The following UGT1A10 variants were observed in gnomAD, a reference collection of about 807,000 sequenced individuals.
UGT1A10 encodes the protein UDP-glucuronosyltransferase 1A10.
UGT1A10 carries 49 observed loss-of-function variants against 45.8 expected under a neutral mutation model. The observed-to-expected ratio is 1.07, with a 90% CI of 0.85 to 1.36. The LOEUF is 1.36. Ranked by LOEUF, UGT1A10 falls within the 40% of genes most tolerant of loss-of-function variation. The pLI is 0.00. For synonymous variants in UGT1A10, 284 were observed against 249.7 expected, an observed-to-expected ratio of 1.14 and a Z score of -1.29; for missense variants, 745 against 668.6, an observed-to-expected ratio of 1.11 and a Z score of -1.26.
intron 1 of UGT1A10, chr2:233,755,364 C>G (rs1279732640): frequency 1.4e-5 from 5 of 364,304 alleles, no homozygotes; most frequent in Non-Finnish European, 2.6e-5. Flanking sequence ...ACCTGGGCCG[C>G]CTGGAGGGCC....
chr2:233,679,206 G>A (rs35984508), intron 1 of UGT1A10, among the ~76,000 whole-genome samples: 57,710 of 151,654 alleles, frequency 0.38, 11,278 homozygotes, highest in African/African-American at 0.45. Context: ...GAACTTGTGG[G>A]TTCTGGGTGG....
chr2:233,732,710 C>T (rs1261368099), intron 1 of UGT1A10, among the ~76,000 whole-genome samples: 1 of 149,516 alleles, frequency 6.7e-6, no homozygotes, highest in Non-Finnish European at 1.5e-5. Flanking sequence ...TTACTGTAGC[C>T]TTGTAGTACA....
intron 1 of UGT1A10, among the ~76,000 whole-genome samples, chr2:233,667,370 C>A (rs927044893): frequency 6.6e-6 from 1 of 152,150 alleles, no homozygotes; most frequent in Non-Finnish European, 1.5e-5. Flanking sequence ...ACACCTTATA[C>A]AAAAATTAAT....
At chr2:233,732,500 A>G (rs1425812715) in intron 1 of UGT1A10, among the ~76,000 whole-genome samples, 1 of 152,238 alleles carries the variant, frequency 6.6e-6, no homozygotes, top group Non-Finnish European at 1.5e-5. Context: ...GGCGTAAGGA[A>G]GGGATCCTGT....
At chr2:233,729,361 A>G (rs781679584) in intron 1 of UGT1A10, 50 of 1,613,972 alleles carry the variant, frequency 3.1e-5, no homozygotes, top group Non-Finnish European at 3.8e-5. Flanking sequence ...CACCCTGACA[A>G]CCTATGCCAT....
At chr2:233,764,961 TG>T (rs1172324167) in intron 1 of UGT1A10, among the ~76,000 whole-genome samples, 1 of 152,020 alleles carries the variant, frequency 6.6e-6, no homozygotes, top group Non-Finnish European at 1.5e-5. Context: ...GGGCTCACCT[TG>T]GGAGAAGGAT....
intron 1 of UGT1A10, among the ~76,000 whole-genome samples, chr2:233,737,953 A>C (rs1429614905): frequency 6.6e-6 from 1 of 152,112 alleles, no homozygotes; most frequent in East Asian, 1.9e-4. Context: ...GTTTCCCAAC[A>C]TGAGGTCACA....
At chr2:233,646,927 G>A (rs2125471019) in intron 1 of UGT1A10, among the ~76,000 whole-genome samples, 1 of 152,302 alleles carries the variant, frequency 6.6e-6, no homozygotes, top group African/African-American at 2.4e-5. Context: ...TTTTCATGCT[G>A]CTGATAAAGA....
chr2:233,697,312 G>A (rs150627234), intron 1 of UGT1A10, among the ~76,000 whole-genome samples: 114 of 152,132 alleles, frequency 7.5e-4, no homozygotes, highest in African/African-American at 2.7e-3. Flanking sequence ...TTGGTAGATT[G>A]TTTGTGTTTG....
At chr2:233,741,911 A>C (rs909136076) in intron 1 of UGT1A10, 2 of 151,838 alleles carry the variant, frequency 1.3e-5, no homozygotes, top group African/African-American at 4.9e-5. Flanking sequence ...GTGATGGAAA[A>C]GGTCTTCATT....
intron 1 of UGT1A10, among the ~76,000 whole-genome samples, chr2:233,652,316 G>C (rs769097881): frequency 6.6e-6 from 1 of 152,170 alleles, no homozygotes; most frequent in African/African-American, 2.4e-5. Context: ...AGACTACAGT[G>C]TAATGAGCAC....
At chr2:233,719,164 C>T in intron 1 of UGT1A10, 1 of 1,614,210 alleles carries the variant, frequency 6.2e-7, no homozygotes, top group Admixed American at 1.7e-5. Flanking sequence ...AGAAGTATGG[C>T]AATTATGAAC....
intron 1 of UGT1A10, among the ~76,000 whole-genome samples, chr2:233,660,568 A>G (rs2073942290): frequency 6.6e-6 from 1 of 152,174 alleles, no homozygotes; most frequent in South Asian, 2.1e-4. Flanking sequence ...AAAGACTGGG[A>G]GCTGGCGTTT....
intron 1 of UGT1A10, among the ~76,000 whole-genome samples, chr2:233,711,091 T>G (rs938656759): frequency 1.3e-5 from 2 of 152,216 alleles, no homozygotes; most frequent in East Asian, 3.8e-4. Flanking sequence ...CAAGTCTATC[T>G]GTGCAGCCCA....
intron 1 of UGT1A10, chr2:233,743,807 T>G (rs760730105): frequency 2.2e-6 from 3 of 1,367,334 alleles, no homozygotes; most frequent in East Asian, 4.6e-5. Context: ...CTCCTTGTTC[T>G]CAGGGTTTTT....
chr2:233,766,585 G>A (rs1016585528), intron 1 of UGT1A10, among the ~76,000 whole-genome samples: 22 of 152,180 alleles, frequency 1.4e-4, no homozygotes, highest in African/African-American at 5.3e-4. Flanking sequence ...TGGGGGTGGA[G>A]CCCTCGCCAG....
chr2:233,681,083 C>T (rs1479456676), intron 1 of UGT1A10, among the ~76,000 whole-genome samples: 1 of 151,852 alleles, frequency 6.6e-6, no homozygotes, highest in South Asian at 2.1e-4. Flanking sequence ...TGTGGCTCAC[C>T]TGTGTCTCTG....
chr2:233,770,944 A>T (rs905927558), intron 4 of UGT1A10: 3 of 152,138 alleles, frequency 2.0e-5, no homozygotes, highest in Non-Finnish European at 4.4e-5. Context: ...TGCCGGGGGA[A>T]CCTCAGGGAG....
At chr2:233,690,386 C>T in intron 1 of UGT1A10, 1 of 1,067,022 alleles carries the variant, frequency 9.4e-7, no homozygotes, top group Admixed American at 2.6e-5. Context: ...TCCACGTTTC[C>T]AGACCTTCCT....
Sources: gnomAD v4.1 joint callset for allele counts (sites outside exome capture counted in the v4.1 genomes callset) on GRCh38, gnomAD v4.1.1 for gene constraint, MANE v1.5 for transcripts, NCBI Gene and HGNC (gene_info 2026-07-23, HGNC 2026-07-21) for gene names.